MRAP2: variants seen among roughly 807,000 people sequenced by gnomAD.
MRAP2 encodes melanocortin-2 receptor accessory protein 2.
In MRAP2, 20 loss-of-function variants were observed where a neutral mutation model predicts 17.4. That is an observed-to-expected ratio of 1.15 (90% confidence interval 0.81 to 1.67). The LOEUF is 1.67. MRAP2 is among the 40% of genes most tolerant of loss of function. The pLI is 0.00. For synonymous variants in MRAP2, 96 were observed against 88.4 expected (o/e 1.09, Z -0.48); for missense variants, 238 against 240.0 (o/e 0.99, Z 0.05).
At chr6:84,051,762 G>A (rs1310599735) in intron 1 of MRAP2, among the ~76,000 whole-genome samples, 1 of 152,182 alleles carries the variant, frequency 6.6e-6, no homozygotes, top group African/African-American at 2.4e-5. Flanking sequence ...GTGCCCAGGA[G>A]TGGTGTGGGA....
chr6:84,133,669 G>A, the MRAP2 span, among the ~76,000 whole-genome samples: 5 of 152,228 alleles, frequency 3.3e-5, no homozygotes, highest in East Asian at 3.9e-4. Context: ...TGAGCCATGC[G>A]CGGGATATAA....
At chr6:84,102,426 A>G in the MRAP2 span, among the ~76,000 whole-genome samples, 1 of 152,170 alleles carries the variant, frequency 6.6e-6, no homozygotes, top group Non-Finnish European at 1.5e-5. Flanking sequence ...AGGCTCAGAG[A>G]GATGCAAAGT....
the MRAP2 span, among the ~76,000 whole-genome samples, chr6:84,108,525 G>A: frequency 4.5e-4 from 69 of 152,028 alleles, 1 homozygote; most frequent in Admixed American, 5.9e-4. Flanking sequence ...TTTTAGTGGG[G>A]TTGTTTATTT....
rs6936847 is a variant in MRAP2 at position 84,075,652 on chromosome 6, G to A, written c.227+12660G>A. On this transcript the variant is annotated intron_variant, in intron 3 of 3. Coordinates refer to ENST00000257776, the MANE Select transcript of MRAP2 (RefSeq NM_138409.4). ...GTCACATTTTTATGTAGAATACTTC[G>A]GACTTCTTGAAAAATTATCAAACCC... is the stretch of plus-strand genomic sequence containing the variant. Among the ~76,000 whole-genome samples, 786 of 152,148 alleles carry A rather than the reference G, an allele frequency of 5.2e-3. 6 individuals are homozygous for A. Among genetic ancestry groups the A allele is most frequent in the African/African-American group, 0.018 (739 of 41,534 alleles).
At chr6:84,040,310 T>A (rs1191410862) in intron 1 of MRAP2, among the ~76,000 whole-genome samples, 1 of 152,244 alleles carries the variant, frequency 6.6e-6, no homozygotes, top group Non-Finnish European at 1.5e-5. Flanking sequence ...TTAAACCTCT[T>A]TCCTTTGTAA....
chr6:84,119,786 C>A, the MRAP2 span, among the ~76,000 whole-genome samples: 1 of 152,206 alleles, frequency 6.6e-6, no homozygotes, highest in South Asian at 2.1e-4. Context: ...ATCAGTGTTC[C>A]CTGTACTGTT....
chr6:84,103,799 C>G, the MRAP2 span, among the ~76,000 whole-genome samples: 2 of 152,126 alleles, frequency 1.3e-5, no homozygotes, highest in Non-Finnish European at 2.9e-5. Context: ...ACCATTGGTA[C>G]CATGACCATA....
At chr6:84,110,339 A>C in the MRAP2 span, among the ~76,000 whole-genome samples, 1 of 152,248 alleles carries the variant, frequency 6.6e-6, no homozygotes, top group Non-Finnish European at 1.5e-5. Context: ...TCTAATGACC[A>C]GTGATGATTA....
At chr6:84,137,099 T>C in the MRAP2 span, among the ~76,000 whole-genome samples, 21 of 152,336 alleles carry the variant, frequency 1.4e-4, no homozygotes, top group South Asian at 4.1e-4. Flanking sequence ...ATAAGAGTCA[T>C]ACCTGGCAGG....
chr6:84,034,511 C>T (rs927307804), intron 1 of MRAP2, among the ~76,000 whole-genome samples: 1 of 147,472 alleles, frequency 6.8e-6, no homozygotes, highest in Non-Finnish European at 1.5e-5. Flanking sequence ...CCCCGCCCGC[C>T]CCGCGCCCCG....
At chr6:84,139,324 AATTG>A in the MRAP2 span, among the ~76,000 whole-genome samples, 8 of 152,260 alleles carry the variant, frequency 5.3e-5, no homozygotes, top group African/African-American at 1.9e-4. Context: ...TTTATCTACA[AATTG>A]ATTGTTCTTT....
chr6:84,129,729 C>T, the MRAP2 span, among the ~76,000 whole-genome samples: 1 of 152,008 alleles, frequency 6.6e-6, no homozygotes, highest in Non-Finnish European at 1.5e-5. Context: ...GTGTTTTAGT[C>T]ATGAAGACTT....
At chr6:84,114,217 T>A in the MRAP2 span, among the ~76,000 whole-genome samples, 3 of 152,188 alleles carry the variant, frequency 2.0e-5, no homozygotes, top group African/African-American at 7.2e-5. Context: ...GGTACACCAA[T>A]CAAACATACG....
At chr6:84,058,928 TA>T (rs2099492370) in intron 2 of MRAP2, among the ~76,000 whole-genome samples, 2 of 151,874 alleles carry the variant, frequency 1.3e-5, no homozygotes, top group East Asian at 3.9e-4. Flanking sequence ...ATGCTGGGGG[TA>T]AAAGGTTGAT....
intron 3 of MRAP2, among the ~76,000 whole-genome samples, chr6:84,065,553 G>A (rs1280649430): frequency 6.6e-6 from 1 of 152,148 alleles, no homozygotes; most frequent in African/African-American, 2.4e-5. Context: ...CTCGTAGAGT[G>A]GTCAGGGAAT....
rs1445641165 is a variant in MRAP2 at position 84,053,089 on chromosome 6, A to G, written c.-7-2223A>G. The stretch of plus-strand genomic sequence containing the variant: ...GTCTTGTGGAACCTGGTAGCCACAA[A>G]TGGGGGTCCCCACCGTGTGCTGACA... On this transcript the variant is annotated intron_variant, in intron 1 of 3. Coordinates refer to ENST00000257776, the MANE Select transcript of MRAP2 (RefSeq NM_138409.4). Among the ~76,000 whole-genome samples the G allele has an allele frequency of 4.7e-4, 71 of 152,122 alleles. 1 individual carries two copies. Among genetic ancestry groups the G allele is most frequent in the Admixed American group, 4.6e-3 (71 of 15,274 alleles).
Position 84,050,255 on chromosome 6 carries a change from G to A in MRAP2, c.-7-5057G>A, listed in dbSNP as rs116334001. 4.2e-3 allele frequency among the ~76,000 whole-genome samples: 645 copies of A among 152,278 alleles called. 1 individual carries two copies. Among genetic ancestry groups the A allele is most frequent in the African/African-American group, 0.015 (627 of 41,548 alleles). ...GTGCCAGTAGAAGGTGATGGTTCAC[G>A]CAGACTCTATAAAAAGCAGAAGTAA... On this transcript the variant is annotated intron_variant, in intron 1 of 3. Transcript: ENST00000257776.
chr6:84,132,377 T>C, the MRAP2 span, among the ~76,000 whole-genome samples: 1 of 152,218 alleles, frequency 6.6e-6, no homozygotes, highest in Non-Finnish European at 1.5e-5. Context: ...TTCCTGAATT[T>C]GAATGTTGTT....
In MRAP2 at chr6:84,089,307, C is replaced by A; in HGVS notation, c.444C>A (p.Ile148=). Residue 148 remains isoleucine (I), a synonymous_variant, in exon 4 of 4, where the codon ATC becomes ATA. Transcript: ENST00000257776. ...LDSDVQLQEA[I]RSSGQPEEEL... ...GTGACGTCCAACTCCAGGAAGCCAT[C>A]AGAAGCAGTGGGCAGCCAGAGGAGG... 6.2e-7 allele frequency: 1 copy of A among 1,614,210 alleles called. No homozygotes were observed. Among genetic ancestry groups the A allele is most frequent in the Non-Finnish European group, 8.5e-7 (1 of 1,180,042 alleles).
Sources: gnomAD v4.1 joint callset for allele counts (sites outside exome capture counted in the v4.1 genomes callset) on GRCh38, gnomAD v4.1.1 for gene constraint, MANE v1.5 for transcripts, NCBI Gene and HGNC (gene_info 2026-07-23, HGNC 2026-07-21) for gene names.